ANK1: variants seen among roughly 807,000 people sequenced by gnomAD.
ANK1 encodes the protein ankyrin-1.
In ANK1, 51 loss-of-function variants were observed where a neutral mutation model predicts 210.4. The ratio of observed to expected loss-of-function variants is 0.24; its 90% CI spans 0.19 to 0.31. ANK1 has a LOEUF of 0.31. ANK1 is among the 10% of genes least tolerant of loss of function. ANK1 has a pLI of 1.00. For synonymous variants in ANK1, 967 were observed against 1,025.9 expected (o/e 0.94, Z 1.10); for missense variants, 2,051 against 2,504.4 (o/e 0.82, Z 3.86).
rs1227546641 is a variant in ANK1, at chr8:41,787,840, G to A, written c.27+9672C>T. ...GAAGAAGAAAGAAGGCAGGCAGGCA[G>A]GAAGGAAGGAAGGAGAAGAGGAGGG... On this transcript the variant is annotated intron_variant, in intron 1 of 42. Coordinates refer to ENST00000289734, the MANE Select transcript of ANK1 (RefSeq NM_000037.4). 6.6e-5 allele frequency among the ~76,000 whole-genome samples: 10 copies of A among 152,038 alleles called. No homozygotes were observed. In the East Asian group the frequency reaches 1.9e-3, roughly 29 times the overall value.
At chr8:41,802,444 C>T (rs552836856), upstream of ANK1, among the ~76,000 whole-genome samples, 314 of 152,246 alleles carry the variant, frequency 2.1e-3, 1 homozygote, top group African/African-American at 7.3e-3. Flanking sequence ...TCATGTTCAT[C>T]GTTTATTAAG....
chr8:41,824,528 C>A (rs1300857382), intron 1 of ANK1, among the ~76,000 whole-genome samples: 2 of 152,152 alleles, frequency 1.3e-5, no homozygotes. Flanking sequence ...AACAGAAATT[C>A]TATTTCCACA....
At position 41,733,229 on chromosome 8, in the gene ANK1, G is replaced by A. The variant is rs182519095; in HGVS notation, c.228+742C>T. On this transcript the variant is annotated intron_variant, in intron 3 of 42. Coordinates refer to ENST00000289734, the MANE Select transcript of ANK1 (RefSeq NM_000037.4). ...TACGTTACTGTGGATGCCTGGCGTC[G>A]CCCCATGCCAAACGCCTCCTCATGA... 5.9e-5 allele frequency among the ~76,000 whole-genome samples: 9 copies of A among 152,266 alleles called. No individual in the cohort carries two copies. The South Asian group carries it at 8.3e-4, about 14-fold the overall frequency.
At chr8:41,893,275 G>A (rs989286067) in intron 1 of ANK1, among the ~76,000 whole-genome samples, 2 of 152,148 alleles carry the variant, frequency 1.3e-5, no homozygotes, top group Non-Finnish European at 2.9e-5. Flanking sequence ...AAAAGCAGGG[G>A]GACTTATCAG....
chr8:41,686,815 C>T (rs953026774), intron 35 of ANK1, among the ~76,000 whole-genome samples: 2 of 152,184 alleles, frequency 1.3e-5, no homozygotes, highest in Admixed American at 6.5e-5. Flanking sequence ...CATCTAAATG[C>T]AAGGCAATAA....
intron 42 of ANK1, among the ~76,000 whole-genome samples, chr8:41,657,282 CA>C (rs1426214135): frequency 6.6e-6 from 1 of 152,206 alleles, no homozygotes; most frequent in Non-Finnish European, 1.5e-5. Context: ...CACCCGGGTT[CA>C]AGTCCCATGC....
At position 41,694,236 on chromosome 8, in the gene ANK1, C is replaced by T; in HGVS notation, c.3328-134G>A. 1.0e-6 allele frequency: 1 copy of T among 956,990 alleles called. No individual in the cohort carries two copies. Among genetic ancestry groups the T allele is most frequent in the South Asian group, 1.7e-5 (1 of 59,602 alleles). 59.3% of individuals were successfully genotyped at this position (956,990 alleles called of 1,614,324 possible). The stretch of plus-strand genomic sequence containing the variant: ...CCCTGCTGTTGGACCACAGAACCGA[C>T]ACGGTGGAGCTTGCCTTCCTGAGCC... On this transcript the variant is annotated intron_variant, in intron 28 of 42. Coordinates refer to ENST00000289734, the MANE Select transcript of ANK1 (RefSeq NM_000037.4). This position sits in a 1 kb window ranked among gnomAD's most constrained non-coding sequence, Gnocchi z 5.7.
At chr8:41,802,979 A>AAGAG (rs1563809655) in intron 1 of ANK1, among the ~76,000 whole-genome samples, 1 of 92,746 alleles carries the variant, frequency 1.1e-5, no homozygotes, top group Non-Finnish European at 2.4e-5. Flanking sequence ...GAGATGAAAA[A>AAGAG]AGAAAGAGAG....
At chr8:41,665,011 C>T (rs775194414) in intron 39 of ANK1, 145 of 1,613,732 alleles carry the variant, frequency 9.0e-5, no homozygotes, top group South Asian at 6.0e-4. Flanking sequence ...AGCTGGGTGA[C>T]GAAAGTCCAC....
intron 42 of ANK1, among the ~76,000 whole-genome samples, chr8:41,658,368 A>C (rs1806503534): frequency 6.6e-6 from 1 of 152,224 alleles, no homozygotes; most frequent in South Asian, 2.1e-4. Context: ...CTCTCTTCAC[A>C]TCAGTGCTCA....
chr8:41,658,114 C>G (rs1806419272), intron 42 of ANK1, among the ~76,000 whole-genome samples: 1 of 152,338 alleles, frequency 6.6e-6, no homozygotes, highest in South Asian at 2.1e-4. Flanking sequence ...AAATTATCCT[C>G]CTGCCTCAGC....
intron 4 of ANK1, among the ~76,000 whole-genome samples, 183 bp downstream of exon 4, chr8:41,727,725 A>G (rs953945086): frequency 6.6e-6 from 1 of 152,222 alleles, no homozygotes; most frequent in Non-Finnish European, 1.5e-5. Context: ...CACGCGGTCT[A>G]TGCATGCGAA....
chr8:41,683,027 C>A (rs1816556660), intron 37 of ANK1, among the ~76,000 whole-genome samples: 2 of 152,278 alleles, frequency 1.3e-5, no homozygotes, highest in South Asian at 4.1e-4. Flanking sequence ...CACACAGCAA[C>A]ACCCACGGAC....
At chr8:41,775,097 T>C (rs1425531197) in intron 1 of ANK1, among the ~76,000 whole-genome samples, 1 of 152,104 alleles carries the variant, frequency 6.6e-6, no homozygotes, top group Non-Finnish European at 1.5e-5. Context: ...GCTTAAGTAC[T>C]GGCAGTGAAC....
intron 1 of ANK1, among the ~76,000 whole-genome samples, chr8:41,832,904 A>T (rs1319611018): frequency 6.6e-6 from 1 of 152,244 alleles, no homozygotes; most frequent in Non-Finnish European, 1.5e-5. Flanking sequence ...CTGTAGATCC[A>T]TACACCCAGA....
At chr8:41,715,965 A>ACTTG in intron 13 of ANK1, 116 bp from the exon 14 acceptor site, 1 of 1,208,446 alleles carries the variant, frequency 8.3e-7, no homozygotes, top group Non-Finnish European at 1.2e-6. Flanking sequence ...TCTCAAGGTC[A>ACTTG]CACAGCTAAG....
At chr8:41,804,081 C>A (rs1011322505) in intron 1 of ANK1, among the ~76,000 whole-genome samples, 7 of 152,196 alleles carry the variant, frequency 4.6e-5, no homozygotes, top group Admixed American at 3.9e-4. Flanking sequence ...TCAGGGGCAG[C>A]TCATCTGGGT....
intron 1 of ANK1, among the ~76,000 whole-genome samples, chr8:41,776,736 C>G (rs1485972241): frequency 2.0e-5 from 3 of 152,342 alleles, no homozygotes; most frequent in Middle Eastern, 3.4e-3. Flanking sequence ...AATTAAACTA[C>G]TAACTGGCCT....
intron 1 of ANK1, among the ~76,000 whole-genome samples, chr8:41,853,524 C>T (rs1364224917): frequency 1.3e-5 from 2 of 152,104 alleles, no homozygotes; most frequent in Non-Finnish European, 2.9e-5. Context: ...GTTGATTTTG[C>T]TGTAGGCTGT....
Sources: allele counts gnomAD v4.1 joint callset (sites outside exome capture counted in the v4.1 genomes callset), GRCh38; gene constraint gnomAD v4.1.1; non-coding constraint Gnocchi (gnomAD v3.1); transcripts MANE v1.5; gene names NCBI Gene and HGNC (gene_info 2026-07-23, HGNC 2026-07-21).